Variants in AIG1 observed in about 807,000 individuals in gnomAD.
AIG1 encodes androgen-induced gene 1 protein.
A neutral mutation model predicts 31.4 loss-of-function variants in AIG1; 23 were observed. The ratio of observed to expected loss-of-function variants is 0.73; its 90% CI spans 0.53 to 1.04. The LOEUF is 1.04. Ranked by LOEUF, AIG1 falls within the 50% of genes least tolerant of loss-of-function variation. The pLI, the probability that AIG1 is intolerant of heterozygous loss-of-function variation, is 0.00. For synonymous variants in AIG1, 100 were observed against 110.5 expected (o/e 0.90, Z 0.60); for missense variants, 274 against 295.0 (o/e 0.93, Z 0.52).
chr6:143,157,278 C>T (rs1474595317), intron 2 of AIG1, among the ~76,000 whole-genome samples: 1 of 152,236 alleles, frequency 6.6e-6, no homozygotes, highest in Non-Finnish European at 1.5e-5. Flanking sequence ...GCGGGCCAGG[C>T]TCCTCTGGCT....
In AIG1 at chr6:143,081,816, C is replaced by T. The variant is rs185946336; in HGVS notation, c.141+20750C>T. Among the ~76,000 whole-genome samples, 56 of 152,294 alleles carry T rather than the reference C, an allele frequency of 3.7e-4. No homozygotes were observed. The East Asian group carries it at 0.01, about 28-fold the overall frequency. ...CCTCGTGAGTTTCCCCATTCCATTT[C>T]TTCTGCTGAGTACTGGAGCTTGGTT... On this transcript the variant is annotated intron_variant, in intron 1 of 5. Coordinates refer to ENST00000357847, the MANE Select transcript of AIG1 (RefSeq NM_016108.4).
intron 3 of AIG1, among the ~76,000 whole-genome samples, chr6:143,184,685 C>T (rs12527776): frequency 0.029 from 4,409 of 152,300 alleles, 102 homozygotes; most frequent in Non-Finnish European, 0.047. Flanking sequence ...ACTGAGGCAG[C>T]AGCCTCGTCT....
chr6:143,203,370 T>G (rs1026733517), intron 3 of AIG1, among the ~76,000 whole-genome samples: 5 of 152,332 alleles, frequency 3.3e-5, no homozygotes, highest in Non-Finnish European at 7.4e-5. Context: ...CCAGATGGAA[T>G]AGTGGCTCGA....
chr6:143,244,360 G>A (rs575353885), intron 3 of AIG1, among the ~76,000 whole-genome samples: 1 of 152,264 alleles, frequency 6.6e-6, no homozygotes, highest in African/African-American at 2.4e-5. Flanking sequence ...AGGTTGGGGG[G>A]CAGCCTCAGG....
At chr6:143,141,191 G>C (rs1784218754) in intron 2 of AIG1, among the ~76,000 whole-genome samples, 1 of 152,166 alleles carries the variant, frequency 6.6e-6, no homozygotes. Context: ...GAGACCTATT[G>C]GCCCCTGAGC....
At chr6:143,174,546 A>G (rs1020156973) in intron 3 of AIG1, among the ~76,000 whole-genome samples, 2 of 151,270 alleles carry the variant, frequency 1.3e-5, no homozygotes, top group Non-Finnish European at 2.9e-5. Context: ...GTCCATTTGC[A>G]TGGAATGTCT....
At chr6:143,278,711 C>T (rs760285207) in intron 3 of AIG1, among the ~76,000 whole-genome samples, 3 of 151,820 alleles carry the variant, frequency 2.0e-5, no homozygotes, top group Admixed American at 6.6e-5. Context: ...TCAGGTGATC[C>T]GCCCGCCTCA....
intron 4 of AIG1, among the ~76,000 whole-genome samples, chr6:143,305,398 G>A (rs1408178938): frequency 6.6e-6 from 1 of 152,120 alleles, no homozygotes; most frequent in Non-Finnish European, 1.5e-5. Context: ...TGCTTTGAAT[G>A]TGTCCCAGAG....
At chr6:143,259,101 T>C (rs1451975782) in intron 3 of AIG1, among the ~76,000 whole-genome samples, 2 of 152,174 alleles carry the variant, frequency 1.3e-5, no homozygotes, top group African/African-American at 4.8e-5. Context: ...TTTGCACACA[T>C]CCACTTCCAC....
intron 1 of AIG1, among the ~76,000 whole-genome samples, chr6:143,072,578 T>A (rs999332389): frequency 2.8e-5 from 4 of 143,858 alleles, no homozygotes. Context: ...TAGATATAGA[T>A]TTTTTTTTTG....
chr6:143,100,897 C>T (rs1583176404), intron 1 of AIG1, among the ~76,000 whole-genome samples: 1 of 152,030 alleles, frequency 6.6e-6, no homozygotes, highest in Non-Finnish European at 1.5e-5. Flanking sequence ...GTTGGCCAGG[C>T]TGGTCTCAAA....
chr6:143,327,617 T>C lies in AIG1; in HGVS notation c.516-5665T>C. On this transcript the variant is annotated intron_variant, in intron 4 of 5. Transcript: ENST00000357847. The surrounding 1 kb of genome is among the most constrained non-coding windows in gnomAD (Gnocchi z 5.3). ...AGTTACCTATGTACCTGTTACCACT[T>C]TCAAAAATCTGCAGATAGTCAATGT... 1 of 308,572 alleles carries C rather than the reference T, an allele frequency of 3.2e-6. No homozygotes were observed. Among genetic ancestry groups the C allele is most frequent in the Non-Finnish European group, 6.1e-6 (1 of 163,794 alleles). 19.1% of individuals were successfully genotyped at this position (308,572 alleles called of 1,614,324 possible). A position where few individuals can be genotyped will look rare whatever the true frequency, so the allele number is the denominator to read the frequency against.
intron 1 of AIG1, among the ~76,000 whole-genome samples, chr6:143,129,403 G>A (rs2128510660): frequency 6.6e-6 from 1 of 152,354 alleles, no homozygotes; most frequent in South Asian, 2.1e-4. Flanking sequence ...TTCAGGTGAG[G>A]TGGGGGCTGT....
At chr6:143,240,808 C>G (rs766212391) in intron 3 of AIG1, among the ~76,000 whole-genome samples, 1 of 152,018 alleles carries the variant, frequency 6.6e-6, no homozygotes, top group Non-Finnish European at 1.5e-5. Flanking sequence ...TTTAAAAATC[C>G]TTCAAGTGCT....
intron 3 of AIG1, among the ~76,000 whole-genome samples, chr6:143,266,443 T>C (rs1796165362): frequency 6.6e-6 from 1 of 151,626 alleles, no homozygotes; most frequent in East Asian, 1.9e-4. Context: ...TAATCAGGGA[T>C]ACTTACTGTA....
At chr6:143,195,813 C>T (rs901978489) in intron 3 of AIG1, among the ~76,000 whole-genome samples, 1 of 150,894 alleles carries the variant, frequency 6.6e-6, no homozygotes, top group African/African-American at 2.4e-5. Flanking sequence ...CAGGTGCTCC[C>T]GAGTGCCAAA....
At chr6:143,146,516 T>TTC (rs148829245) in intron 2 of AIG1, among the ~76,000 whole-genome samples, 1 of 145,968 alleles carries the variant, frequency 6.9e-6, no homozygotes, top group African/African-American at 2.5e-5. Context: ...ACCCCCATCT[T>TTC]TCTCTCTCTC....
chr6:143,187,282 TGA>T, intron 3 of AIG1: 1 of 944,890 alleles, frequency 1.1e-6, no homozygotes, highest in Admixed American at 2.1e-5. Flanking sequence ...TGGCTTAAAC[TGA>T]GAATTTGACT....
chr6:143,232,331 A>T (rs1264392556), intron 3 of AIG1, among the ~76,000 whole-genome samples: 1 of 152,200 alleles, frequency 6.6e-6, no homozygotes, highest in Non-Finnish European at 1.5e-5. Flanking sequence ...ATCAGGTGTT[A>T]AGACAGAAAG....
Sources: gnomAD v4.1 joint callset for allele counts (sites outside exome capture counted in the v4.1 genomes callset) on GRCh38, gnomAD v4.1.1 for gene constraint, Gnocchi (gnomAD v3.1) non-coding constraint, MANE v1.5 for transcripts, NCBI Gene and HGNC (gene_info 2026-07-23, HGNC 2026-07-21) for gene names.